SCN9A: variants seen among roughly 807,000 people sequenced by gnomAD.
SCN9A encodes sodium voltage-gated channel alpha subunit 9.
Under a neutral mutation model 187.0 loss-of-function variants are expected in SCN9A, and 131 were observed. The ratio of observed to expected loss-of-function variants is 0.70; its 90% CI spans 0.61 to 0.81. The LOEUF is 0.81. Ranked by LOEUF, SCN9A falls within the 30% of genes least tolerant of loss-of-function variation. SCN9A has a pLI of 0.00. For missense variants in SCN9A, 2,252 were observed against 2,396.6 expected (o/e 0.94, Z 1.26); for synonymous variants, 809 against 808.6 (o/e 1.00, Z -0.01).
intron 1 of SCN9A, among the ~76,000 whole-genome samples, chr2:166,349,983 T>A (rs538535248): frequency 3.5e-5 from 3 of 86,146 alleles, no homozygotes; most frequent in South Asian, 3.5e-4. Flanking sequence ...ACAAAAAAAA[T>A]AAAAAATAAA....
At chr2:166,281,542 G>T in intron 13 of SCN9A, 137 bp downstream of exon 13, 1 of 673,296 alleles carries the variant, frequency 1.5e-6, no homozygotes, top group Non-Finnish European at 2.4e-6. Context: ...GTATCCATTG[G>T]TTATCTTTAC....
In SCN9A at chr2:166,361,905, C is replaced by A. The variant is rs79222523; in HGVS notation, c.-51+13792G>T. ...CTAAAGTGAGAAAAGACTAGGTATT[C>A]ATTCAAGAAGGCAAAATCCAAGCAC... On this transcript the variant is annotated intron_variant, in intron 1 of 26. Coordinates refer to ENST00000642356, the MANE Select transcript of SCN9A (RefSeq NM_001365536.1). Among the ~76,000 whole-genome samples the A allele has an allele frequency of 8.5e-4, 130 of 152,194 alleles. 1 individual carries two copies. In the East Asian group the frequency reaches 0.02, roughly 24 times the overall value.
intron 9 of SCN9A, among the ~76,000 whole-genome samples, chr2:166,291,915 A>G (rs1164937108): frequency 6.6e-6 from 1 of 152,212 alleles, no homozygotes; most frequent in Non-Finnish European, 1.5e-5. Context: ...TTATACAAAA[A>G]TTAACTCAAG....
chr2:166,247,171 AAAAAAAAAGGAAAGG>A (rs1695827668), intron 18 of SCN9A, among the ~76,000 whole-genome samples: 1 of 150,022 alleles, frequency 6.7e-6, no homozygotes, highest in Non-Finnish European at 1.5e-5. Flanking sequence ...AAAAAAAAAA[AAAAAAAAAGGAAAGG>A]AAAGAAAAAA....
intron 1 of SCN9A, among the ~76,000 whole-genome samples, chr2:166,354,098 C>G (rs1700099485): frequency 6.6e-6 from 1 of 151,358 alleles, no homozygotes; most frequent in Non-Finnish European, 1.5e-5. Context: ...CATCTTCAAA[C>G]ATTTACAATA....
At chr2:166,211,415 G>A (rs549363980) in intron 24 of SCN9A, among the ~76,000 whole-genome samples, 42 of 152,008 alleles carry the variant, frequency 2.8e-4, no homozygotes, top group Non-Finnish European at 6.0e-4. Context: ...AAGTTGAAAC[G>A]AAAGCATGGT....
At chr2:166,292,779 T>A (rs911642847) in intron 9 of SCN9A, among the ~76,000 whole-genome samples, 1 of 152,116 alleles carries the variant, frequency 6.6e-6, no homozygotes, top group African/African-American at 2.4e-5. Context: ...TGGGAGCAAT[T>A]GATTTGGGAG....
chr2:166,360,375 A>G (rs1268234315), intron 1 of SCN9A, among the ~76,000 whole-genome samples: 1 of 152,208 alleles, frequency 6.6e-6, no homozygotes, highest in Non-Finnish European at 1.5e-5. Flanking sequence ...TACAGCATGT[A>G]TAAAGGAAGA....
At chr2:166,260,533 G>A (rs538372969) in intron 17 of SCN9A, among the ~76,000 whole-genome samples, 1 of 151,902 alleles carries the variant, frequency 6.6e-6, no homozygotes, top group South Asian at 2.1e-4. Context: ...GCTTTGTTCT[G>A]TGTTATAATT....
chr2:166,344,265 T>A (rs898857704), intron 1 of SCN9A, among the ~76,000 whole-genome samples: 7 of 152,126 alleles, frequency 4.6e-5, no homozygotes, highest in African/African-American at 1.4e-4. Context: ...AAAAGCCTTA[T>A]AAAGTTAAAA....
Position 166,284,714 on chromosome 2 carries a change from G to A in SCN9A, c.1713C>T (p.Ala571=), listed in dbSNP as rs200876333. The change falls in exon 12 of 27, where the codon GCC becomes GCT. Residue 571 remains alanine, a synonymous_variant. Coordinates refer to ENST00000642356, the MANE Select transcript of SCN9A (RefSeq NM_001365536.1). ...GRDIGSETEF[A]DDEHSIFGDN... is the part of the protein sequence containing the mutation. ...CTCCAAAAATGCTGTGCTCATCATCGGCAAATTCAGTCTCAGATCCTATAT... is the reference window on the plus strand; with the variant it reads ...CTCCAAAAATGCTGTGCTCATCATCAGCAAATTCAGTCTCAGATCCTATAT... 3.8e-5 allele frequency: 62 copies of A among 1,613,762 alleles called. No homozygotes were observed. Among genetic ancestry groups the A allele is most frequent in the Non-Finnish European group, 5.1e-5 (60 of 1,179,870 alleles).
At chr2:166,272,160 G>T (rs1697020635) in intron 17 of SCN9A, among the ~76,000 whole-genome samples, 1 of 151,916 alleles carries the variant, frequency 6.6e-6, no homozygotes, top group Admixed American at 6.6e-5. Flanking sequence ...GCATGGGAAG[G>T]CTCAAAGATA....
rs935321088 is a variant in SCN9A at position 166,225,335 on chromosome 2, C to T, written c.4398+1232G>A. ...TATTTCATAAACCATTCTATAGCAG[C>T]ATCTATTTTTACTCTGACTGTCATG... is the stretch of plus-strand genomic sequence containing the variant. On this transcript the variant is annotated intron_variant, in intron 24 of 26. Transcript: ENST00000642356. Among the ~76,000 whole-genome samples, 10 of 152,112 alleles carry T rather than the reference C, an allele frequency of 6.6e-5. No individual in the cohort carries two copies. In the East Asian group the frequency reaches 1.2e-3, roughly 18 times the overall value.
At chr2:166,232,079 G>T (rs965421762) in intron 21 of SCN9A, among the ~76,000 whole-genome samples, 1 of 152,104 alleles carries the variant, frequency 6.6e-6, no homozygotes, top group African/African-American at 2.4e-5. Context: ...GGTTAGGGTC[G>T]GGACAGGGCA....
Position 166,251,862 on chromosome 2 carries a change from T to C in SCN9A, c.3375A>G (p.Ser1125=), listed in dbSNP as rs1574808426. The C allele has an allele frequency of 1.2e-6, 2 of 1,612,466 alleles. No individual in the cohort carries two copies. The highest frequency in any genetic ancestry group is 8.5e-7 in the Non-Finnish European group (1 of 1,179,018). Residue 1125 remains serine (S), a synonymous_variant, in exon 18 of 27, where the codon TCA becomes TCG. Coordinates refer to ENST00000642356, the MANE Select transcript of SCN9A (RefSeq NM_001365536.1). The stretch of plus-strand genomic sequence containing the variant: ...AAGGGTTATCAACTGTGCTGCACTC[T>C]GAGGAGCTTGACCGGTTTAATCTCT... The part of the protein sequence containing the change: ...SKVRLNRSSS[S]ECSTVDNPLP...
At position 166,204,183 on chromosome 2, in the gene SCN9A, C is replaced by G; in HGVS notation, c.4546G>C (p.Ala1516Pro). The change falls in exon 26 of 27, where the codon GCC (alanine) becomes CCC (proline). Residue 1516 changes from alanine to proline, a missense_variant. Around this residue, in one of 7 missense-constraint regions of SCN9A, gnomAD observed 368 missense variants for 408.6 expected, o/e 0.90. Transcript: ENST00000642356. ...GCIFDLVTNQ[A>P]FDISIMVLIC... ...AGAACCATGATACTAATATCAAAGG[C>G]TTGATTTGTCACTAGGTCAAATATA... 1 of 1,612,196 alleles carries G rather than the reference C, an allele frequency of 6.2e-7. No individual in the cohort carries two copies. The highest frequency in any genetic ancestry group is 1.7e-4 in the Middle Eastern group (1 of 6,048).
chr2:166,202,407 T>A (rs1022696793), intron 26 of SCN9A, among the ~76,000 whole-genome samples: 1 of 127,244 alleles, frequency 7.9e-6, no homozygotes, highest in African/African-American at 2.9e-5. Context: ...GCTTTTATAT[T>A]TGAACAGTTT....
intron 1 of SCN9A, among the ~76,000 whole-genome samples, chr2:166,343,792 T>C (rs947187140): frequency 6.8e-6 from 1 of 146,260 alleles, no homozygotes; most frequent in Non-Finnish European, 1.5e-5. Context: ...TGAGATTGTG[T>C]TTCAAAAAAA....
chr2:166,287,785 T>A (rs979191792), intron 10 of SCN9A, among the ~76,000 whole-genome samples: 18 of 151,988 alleles, frequency 1.2e-4, no homozygotes, highest in African/African-American at 4.3e-4. Flanking sequence ...TTTCTTAATA[T>A]CTCATGTTTT....
Sources: allele counts gnomAD v4.1 joint callset (sites outside exome capture counted in the v4.1 genomes callset), GRCh38; gene constraint gnomAD v4.1.1; regional missense constraint gnomAD v4.1.1; transcripts MANE v1.5; gene names NCBI Gene and HGNC (gene_info 2026-07-23, HGNC 2026-07-21).